ASTN2: variants seen among roughly 807,000 people sequenced by gnomAD.
ASTN2 encodes astrotactin-2.
Under a neutral mutation model 139.8 loss-of-function variants are expected in ASTN2, and 54 were observed. The ratio of observed to expected loss-of-function variants is 0.39; its 90% CI spans 0.31 to 0.48. The LOEUF (loss-of-function observed/expected upper bound fraction) is 0.48, where lower values mean the gene tolerates loss of function less well. Among genes scored for constraint, ASTN2 ranks in the 20% least tolerant of loss-of-function variants. The probability of loss-of-function intolerance (pLI) is 0.95; values close to 1 mark genes in which losing one functional copy is unlikely to be tolerated. For missense variants in ASTN2, 1,565 were observed against 1,725.1 expected (o/e 0.91, Z 1.64); for synonymous variants, 756 against 719.5 (o/e 1.05, Z -0.81).
Position 117,375,725 on chromosome 9 carries a change from C to T in ASTN2, c.442+38772G>A, listed in dbSNP as rs374308840. On this transcript the variant is annotated intron_variant, in intron 1 of 22. Coordinates refer to ENST00000313400, the MANE Select transcript of ASTN2 (RefSeq NM_001365068.1). The stretch of plus-strand genomic sequence containing the variant: ...TGTGAGTTTCCCATTGCTGCTGTAA[C>T]GAATGACCACAAACTTAGTGGCATA... 4.6e-5 allele frequency among the ~76,000 whole-genome samples: 7 copies of T among 152,258 alleles called. No homozygotes were observed. In the South Asian group the frequency reaches 6.2e-4, roughly 14 times the overall value.
At chr9:117,148,205 C>G (rs545597128) in intron 3 of ASTN2, among the ~76,000 whole-genome samples, 1 of 152,336 alleles carries the variant, frequency 6.6e-6, no homozygotes, top group East Asian at 1.9e-4. Context: ...CCAGTATCAA[C>G]TCTCCATGTG....
At chr9:116,635,553 T>C (rs1002568490) in intron 17 of ASTN2, among the ~76,000 whole-genome samples, 2 of 152,186 alleles carry the variant, frequency 1.3e-5, no homozygotes, top group African/African-American at 4.8e-5. Context: ...CTATTCAAAA[T>C]GAGTACCTGC....
At chr9:116,536,407 G>A (rs562897600) in intron 19 of ASTN2, among the ~76,000 whole-genome samples, 5 of 152,288 alleles carry the variant, frequency 3.3e-5, no homozygotes, top group Non-Finnish European at 5.9e-5. Context: ...GAGGAGCTGC[G>A]TTCCTTTGGA....
At chr9:116,862,595 G>A (rs1832910984) in intron 11 of ASTN2, among the ~76,000 whole-genome samples, 1 of 152,122 alleles carries the variant, frequency 6.6e-6, no homozygotes, top group African/African-American at 2.4e-5. Context: ...ACAAGAAAAG[G>A]TTCTGAGGCA....
chr9:116,846,455 T>C (rs1204499852), intron 11 of ASTN2, among the ~76,000 whole-genome samples: 5 of 152,166 alleles, frequency 3.3e-5, no homozygotes, highest in African/African-American at 9.7e-5. Flanking sequence ...CTAGACCAAC[T>C]GGAGGGACCG....
intron 13 of ASTN2, among the ~76,000 whole-genome samples, chr9:116,742,265 C>A (rs1261238634): frequency 6.6e-6 from 1 of 152,224 alleles, no homozygotes; most frequent in Non-Finnish European, 1.5e-5. Context: ...AAAAGACAGA[C>A]CTGCTGACTC....
intron 19 of ASTN2, among the ~76,000 whole-genome samples, chr9:116,511,751 A>G (rs531338538): frequency 6.6e-6 from 1 of 152,148 alleles, no homozygotes; most frequent in East Asian, 1.9e-4. Flanking sequence ...TGTGTCCAGG[A>G]ATTTATCCAT....
At chr9:116,875,964 C>T (rs1049416241) in intron 10 of ASTN2, among the ~76,000 whole-genome samples, 1 of 152,130 alleles carries the variant, frequency 6.6e-6, no homozygotes, top group East Asian at 1.9e-4. Context: ...TTTTTTGCAG[C>T]CCATGCATGA....
At chr9:116,705,498 TGTG>T (rs982606375) in intron 16 of ASTN2, among the ~76,000 whole-genome samples, 7 of 152,174 alleles carry the variant, frequency 4.6e-5, no homozygotes, top group African/African-American at 1.7e-4. Context: ...AGGATTTTCT[TGTG>T]GTGATTTACC....
intron 13 of ASTN2, among the ~76,000 whole-genome samples, chr9:116,752,980 T>A (rs1829437617): frequency 6.6e-6 from 1 of 152,204 alleles, no homozygotes; most frequent in African/African-American, 2.4e-5. Context: ...CTAAACAGTC[T>A]TACCACGAAA....
intron 4 of ASTN2, among the ~76,000 whole-genome samples, chr9:117,136,264 T>C (rs988925223): frequency 1.3e-5 from 2 of 152,230 alleles, no homozygotes; most frequent in Admixed American, 6.5e-5. Context: ...CACCCCCTTA[T>C]AGTTAGTTAA....
chr9:117,410,395 C>A (rs548882362), intron 1 of ASTN2, among the ~76,000 whole-genome samples: 1 of 152,252 alleles, frequency 6.6e-6, no homozygotes, highest in South Asian at 2.1e-4. Context: ...TCCTTCCCAC[C>A]ACCCTCATGT....
At chr9:116,708,691 G>A (rs1828060752) in intron 16 of ASTN2, among the ~76,000 whole-genome samples, 1 of 152,162 alleles carries the variant, frequency 6.6e-6, no homozygotes, top group South Asian at 2.1e-4. Flanking sequence ...ATTCCTGAAA[G>A]CTATTTAGCT....
At chr9:117,124,792 G>T (rs889483588) in intron 4 of ASTN2, among the ~76,000 whole-genome samples, 2 of 145,162 alleles carry the variant, frequency 1.4e-5, no homozygotes, top group African/African-American at 5.2e-5. Flanking sequence ...GTGACATAGC[G>T]AGACCCTGCC....
chr9:117,168,085 G>T (rs562589999), intron 3 of ASTN2, among the ~76,000 whole-genome samples: 2 of 152,158 alleles, frequency 1.3e-5, no homozygotes, highest in Admixed American at 1.3e-4. Context: ...TAAAATGGAG[G>T]TTACAATCCT....
chr9:116,663,451 T>C (rs760098896), intron 16 of ASTN2, among the ~76,000 whole-genome samples: 1 of 152,180 alleles, frequency 6.6e-6, no homozygotes, highest in Non-Finnish European at 1.5e-5. Flanking sequence ...GGGTTCACAG[T>C]CTTGCTTTCA....
At chr9:117,008,540 T>G (rs73517455) in intron 6 of ASTN2, among the ~76,000 whole-genome samples, 2,051 of 152,238 alleles carry the variant, frequency 0.013, 50 homozygotes, top group African/African-American at 0.046. Flanking sequence ...GGCATTGACT[T>G]TGGGCAAGTC....
At chr9:116,944,342 A>T (rs1835321690) in intron 10 of ASTN2, among the ~76,000 whole-genome samples, 1 of 152,114 alleles carries the variant, frequency 6.6e-6, no homozygotes, top group Non-Finnish European at 1.5e-5. Flanking sequence ...AGAGGAGATG[A>T]TGAGAAGCCA....
chr9:117,366,869 G>A (rs907026361), intron 1 of ASTN2, among the ~76,000 whole-genome samples: 1 of 152,016 alleles, frequency 6.6e-6, no homozygotes, highest in Admixed American at 6.6e-5. Flanking sequence ...CCGCCTCCTG[G>A]GTTCAAGTGA....
Sources: allele counts gnomAD v4.1 joint callset (sites outside exome capture counted in the v4.1 genomes callset), GRCh38; gene constraint gnomAD v4.1.1; transcripts MANE v1.5; gene names NCBI Gene and HGNC (gene_info 2026-07-23, HGNC 2026-07-21).